Variants in PIGR observed in about 807,000 individuals in gnomAD.
The protein encoded by PIGR is hepatocellular carcinoma associated protein TB6.
Under a neutral mutation model 69.5 loss-of-function variants are expected in PIGR, and 22 were observed. The ratio of observed to expected loss-of-function variants is 0.32; its 90% CI spans 0.23 to 0.45. PIGR has a LOEUF of 0.45. Among genes scored for constraint, PIGR ranks in the 20% least tolerant of loss-of-function variants. PIGR has a pLI of 1.00. For missense variants in PIGR, 885 were observed against 974.0 expected, an observed-to-expected ratio of 0.91 and a Z score of 1.22; for synonymous variants, 413 against 407.6, an observed-to-expected ratio of 1.01 and a Z score of -0.16.
chr1:206,943,115 A>G (rs1200689536), intron 1 of PIGR, among the ~76,000 whole-genome samples: 4 of 152,218 alleles, frequency 2.6e-5, no homozygotes, highest in Non-Finnish European at 2.9e-5. Flanking sequence ...GGCTGGATTT[A>G]AAGGATTTGC....
At chr1:206,937,863 A>C (rs1221979507) in intron 3 of PIGR, 112 bp from the exon 4 acceptor site, 1 of 921,566 alleles carries the variant, frequency 1.1e-6, no homozygotes, top group Non-Finnish European at 1.6e-6. Context: ...TATAACCTGG[A>C]ATGCCCTCCT....
intron 1 of PIGR, among the ~76,000 whole-genome samples, chr1:206,941,576 G>T (rs996732491): frequency 6.6e-6 from 1 of 152,234 alleles, no homozygotes; most frequent in African/African-American, 2.4e-5. Flanking sequence ...CCAGCAACTT[G>T]GTTATGGAAT....
Position 206,930,532 on chromosome 1 carries a change from T to C in PIGR, c.2200-119A>G, listed in dbSNP as rs1679717361. 7.2e-7 allele frequency: 1 copy of C among 1,386,194 alleles called. No individual in the cohort carries two copies. Among genetic ancestry groups the C allele is most frequent in the East Asian group, 2.8e-5 (1 of 36,312 alleles). The allele number at this position is 1,386,194 out of a possible 1,614,324, so 85.9% of individuals were successfully genotyped here. ...TCTTGGTCCAAGCAACACAAGCCTT[T>C]GGGGCCCACTGTTCTCATCCCAGCC... On this transcript the variant is annotated intron_variant, in intron 10 of 10. Coordinates refer to ENST00000356495, the MANE Select transcript of PIGR (RefSeq NM_002644.4). The surrounding 1 kb of genome is among the most constrained non-coding windows in gnomAD (Gnocchi z 4.3).
chr1:206,941,532 G>A (rs116332545), intron 1 of PIGR, among the ~76,000 whole-genome samples: 2,419 of 152,362 alleles, frequency 0.016, 24 homozygotes, highest in Non-Finnish European at 0.026. Context: ...AAACATTGAG[G>A]TCTTGAGATG....
intron 1 of PIGR, among the ~76,000 whole-genome samples, chr1:206,941,030 G>A (rs1014740596): frequency 4.6e-5 from 7 of 152,224 alleles, no homozygotes; most frequent in African/African-American, 1.4e-4. Context: ...TGAGGAAACT[G>A]AGACCCACAG....
At chr1:206,931,825 G>T in intron 8 of PIGR, 23 bp from the exon 9 acceptor site, 5 of 1,613,874 alleles carry the variant, frequency 3.1e-6, no homozygotes, top group Non-Finnish European at 4.2e-6. Flanking sequence ...AAGAGGAGTT[G>T]GTGTAAGGAC....
At position 206,930,934 on chromosome 1, in the gene PIGR, G is replaced by A; in HGVS notation, c.2200-521C>T. 1.0e-6 allele frequency: 1 copy of A among 985,430 alleles called. No individual in the cohort carries two copies. The highest frequency in any genetic ancestry group is 1.2e-6 in the Non-Finnish European group (1 of 829,918). The allele number at this position is 985,430 out of a possible 1,614,324, so 61.0% of individuals were successfully genotyped here. Reference sequence around the variant, plus strand: ...TCTCACCTCGGGATTAAAGGCATGAGATGTTATTTTTCTTGGTCCCCTGAG... The same window carrying A: ...TCTCACCTCGGGATTAAAGGCATGAAATGTTATTTTTCTTGGTCCCCTGAG... On this transcript the variant is annotated intron_variant, in intron 10 of 10. Coordinates refer to ENST00000356495, the MANE Select transcript of PIGR (RefSeq NM_002644.4). This position sits in a 1 kb window ranked among gnomAD's most constrained non-coding sequence, Gnocchi z 4.3.
chr1:206,941,624 C>T (rs556488102), intron 1 of PIGR, among the ~76,000 whole-genome samples: 1 of 152,358 alleles, frequency 6.6e-6, no homozygotes, highest in South Asian at 2.1e-4. Context: ...CTTTGTAATC[C>T]TGCCTGGTAA....
Position 206,929,467 on chromosome 1 carries a change from A to G in PIGR, c.*851T>C, listed in dbSNP as rs1679684838. 6.6e-6 allele frequency: 1 copy of G among 152,092 alleles called. No homozygotes were observed. Among genetic ancestry groups the G allele is most frequent in the Admixed American group, 6.5e-5 (1 of 15,274 alleles). The allele number at this position is 152,092 out of a possible 1,614,324, so 9.4% of individuals were successfully genotyped here. The stretch of plus-strand genomic sequence containing the variant: ...GAGGGTGAGGCAGGAGAATGGTGTC[A>G]ACCTGGGAGGCGGAGGTTGCAGTGA... On this transcript the variant is annotated 3_prime_UTR_variant, in exon 11 of 11. Coordinates refer to ENST00000356495, the MANE Select transcript of PIGR (RefSeq NM_002644.4).
chr1:206,929,982 G>A lies in PIGR; in HGVS notation c.*336C>T, dbSNP rs565567203. The A allele has an allele frequency of 2.2e-3, 566 of 254,004 alleles. 2 individuals carry two copies. The highest frequency in any genetic ancestry group is 3.6e-3 in the Non-Finnish European group (489 of 134,850). 15.7% of individuals were successfully genotyped at this position (254,004 alleles called of 1,614,324 possible). ...TCCCATGATAAGGGTGCAGAGGGGC[G>A]CTGCACGTCTCTCCTTTCTGCAATC... On this transcript the variant is annotated 3_prime_UTR_variant, in exon 11 of 11. Coordinates refer to ENST00000356495, the MANE Select transcript of PIGR (RefSeq NM_002644.4).
At chr1:206,940,721 C>A in intron 1 of PIGR, 137 bp from the exon 2 acceptor site, 1 of 566,442 alleles carries the variant, frequency 1.8e-6, no homozygotes, top group Admixed American at 3.6e-5. Flanking sequence ...TCAGTGCCTC[C>A]ACTTTTTCCA....
intron 1 of PIGR, among the ~76,000 whole-genome samples, chr1:206,945,580 C>T (rs1363458099): frequency 6.6e-6 from 1 of 152,172 alleles, no homozygotes; most frequent in Non-Finnish European, 1.5e-5. Context: ...CTAGGAAGGG[C>T]AGGATGATGC....
At position 206,931,723 on chromosome 1, in the gene PIGR, G is replaced by A; in HGVS notation, c.2088C>T (p.Asp696=). The A allele has an allele frequency of 2.5e-6, 4 of 1,614,096 alleles. No homozygotes were observed. The highest frequency in any genetic ancestry group is 3.4e-6 in the Non-Finnish European group (4 of 1,180,010). The stretch of plus-strand genomic sequence containing the variant: ...GAGTGATCGAAGAGGCTCCCATGTT[G>A]TCATTGGCTCCAAATTCCCTGGAGT... The part of the protein sequence containing the change: ...FENSREFGAN[D]NMGASSITQE... Residue 696 remains aspartate (D), a synonymous_variant, in exon 9 of 11, where the codon GAC becomes GAT. Transcript: ENST00000356495.
At chr1:206,934,856 TA>T (rs1679833459) in intron 5 of PIGR, 110 bp from the exon 6 acceptor site, 16 of 625,520 alleles carry the variant, frequency 2.6e-5, no homozygotes, top group Admixed American at 7.3e-5. Flanking sequence ...CATATATATA[TA>T]TATTTTTGTT....
chr1:206,934,740 G>A lies in PIGR; in HGVS notation c.1385C>T (p.Pro462Leu). ...GACATTCCCTGGTACCTTGAGGTTT[G>A]GTTCTCCTGGAGGAGGGAGGGAGGT... ...TVEIKIIEGE[P>L]NLKVPGNVTA... is the part of the protein sequence containing the mutation. Residue 462 changes from proline to leucine, a missense_variant, in exon 6 of 11, where the codon CCA becomes CTA. Coordinates refer to ENST00000356495, the MANE Select transcript of PIGR (RefSeq NM_002644.4). The A allele has an allele frequency of 1.9e-6, 3 of 1,603,450 alleles. No homozygotes were observed. The highest frequency in any genetic ancestry group is 1.7e-6 in the Non-Finnish European group (2 of 1,177,952).
Position 206,937,339 on chromosome 1 carries a change from G to A in PIGR, c.801C>T (p.Ala267=), listed in dbSNP as rs749028448. 1.9e-6 allele frequency: 3 copies of A among 1,613,076 alleles called. No individual in the cohort carries two copies. The highest frequency in any genetic ancestry group is 1.7e-5 in the Admixed American group (1 of 59,946). Residue 267 remains alanine (A), a synonymous_variant, in exon 4 of 11, where the codon GCC becomes GCT. Coordinates refer to ENST00000356495, the MANE Select transcript of PIGR (RefSeq NM_002644.4). ...CALGPEVANV[A]KFLCRQSSGE... ...CACTGCTCTGTCGGCACAGAAATTT[G>A]GCCACGTTTGCCACCTCAGGGCCCA... is the stretch of plus-strand genomic sequence containing the variant.
At chr1:206,943,704 T>C (rs1003646842) in intron 1 of PIGR, among the ~76,000 whole-genome samples, 4 of 152,066 alleles carry the variant, frequency 2.6e-5, no homozygotes, top group African/African-American at 4.8e-5. Flanking sequence ...GGAAGAAAGG[T>C]CCCCTGGACT....
intron 3 of PIGR, among the ~76,000 whole-genome samples, chr1:206,938,452 A>G (rs1200312709): frequency 1.3e-5 from 2 of 152,212 alleles, no homozygotes; most frequent in Non-Finnish European, 2.9e-5. Flanking sequence ...TGTCTTTGGG[A>G]GTCCCCCTGA....
At chr1:206,938,153 A>G (rs570942106) in intron 3 of PIGR, among the ~76,000 whole-genome samples, 1 of 152,360 alleles carries the variant, frequency 6.6e-6, no homozygotes, top group Admixed American at 6.5e-5. Context: ...GAACAGAATG[A>G]ATGTAAATGC....
Sources: gnomAD v4.1 joint callset for allele counts (sites outside exome capture counted in the v4.1 genomes callset) on GRCh38, gnomAD v4.1.1 for gene constraint, Gnocchi (gnomAD v3.1) non-coding constraint, MANE v1.5 for transcripts, NCBI Gene and HGNC (gene_info 2026-07-23, HGNC 2026-07-21) for gene names.